WWOX: variants seen among roughly 807,000 people sequenced by gnomAD.
The protein encoded by WWOX is WW domain containing oxidoreductase, also known as WW domain-containing oxidoreductase.
Under a neutral mutation model 46.2 loss-of-function variants are expected in WWOX, and 69 were observed. The ratio of observed to expected loss-of-function variants is 1.49; its 90% CI spans 1.23 to 1.82. The LOEUF (loss-of-function observed/expected upper bound fraction) is 1.82. Among genes scored for constraint, WWOX ranks in the 40% most tolerant of loss-of-function variants. The pLI is 0.00. For missense variants in WWOX, 919 were observed against 542.6 expected (o/e 1.69, Z -6.89); for synonymous variants, 359 against 202.6 (o/e 1.77, Z -6.56).
chr16:79,138,578 T>G (rs1028790010), intron 8 of WWOX, among the ~76,000 whole-genome samples: 1 of 152,294 alleles, frequency 6.6e-6, no homozygotes, highest in Middle Eastern at 3.4e-3. Context: ...TTAGGCCCGT[T>G]ATTAGGGTGC....
chr16:78,955,679 C>G (rs1461550029), intron 8 of WWOX, among the ~76,000 whole-genome samples: 1 of 150,476 alleles, frequency 6.6e-6, no homozygotes, highest in Non-Finnish European at 1.5e-5. Flanking sequence ...GAGACAGGGT[C>G]TTGCTCTATT....
intron 6 of WWOX, among the ~76,000 whole-genome samples, chr16:78,402,486 G>A (rs2082436564): frequency 6.6e-6 from 1 of 152,132 alleles, no homozygotes. Context: ...GTGGGGGGTT[G>A]CAGTAAACAT....
At chr16:79,110,060 A>C (rs1286028615) in intron 8 of WWOX, among the ~76,000 whole-genome samples, 1 of 152,178 alleles carries the variant, frequency 6.6e-6, no homozygotes, top group Non-Finnish European at 1.5e-5. Flanking sequence ...GCAGGGTGTG[A>C]TCCTGTTATT....
intron 8 of WWOX, among the ~76,000 whole-genome samples, chr16:79,156,375 A>G (rs1018430095): frequency 3.3e-5 from 5 of 152,142 alleles, no homozygotes; most frequent in Non-Finnish European, 7.4e-5. Context: ...TGCTCAAGCT[A>G]TTCTCGAACT....
intron 8 of WWOX, among the ~76,000 whole-genome samples, chr16:78,759,912 C>G (rs1440975885): frequency 6.6e-6 from 1 of 152,184 alleles, no homozygotes; most frequent in African/African-American, 2.4e-5. Context: ...ACGGCCACAG[C>G]ACTCTAATCT....
chr16:79,044,197 T>TA, intron 8 of WWOX, among the ~76,000 whole-genome samples: 1 of 152,304 alleles, frequency 6.6e-6, no homozygotes, highest in East Asian at 1.9e-4. Context: ...GCCCACAGTG[T>TA]AGGCATTCAA....
intron 8 of WWOX, among the ~76,000 whole-genome samples, chr16:78,855,844 G>C (rs1037084680): frequency 6.6e-6 from 1 of 152,174 alleles, no homozygotes; most frequent in South Asian, 2.1e-4. Flanking sequence ...GTCAGATTCT[G>C]TGTGAAGCCC....
chr16:79,038,435 C>G (rs200999909), intron 8 of WWOX, among the ~76,000 whole-genome samples: 3 of 152,006 alleles, frequency 2.0e-5, no homozygotes, highest in East Asian at 1.9e-4. Context: ...TTAACATGCC[C>G]TAGACATGCA....
Position 78,368,927 on chromosome 16 carries a change from C to T in WWOX, c.517-17933C>T, listed in dbSNP as rs555544072. On this transcript the variant is annotated intron_variant, in intron 5 of 8. Coordinates refer to ENST00000566780, the MANE Select transcript of WWOX (RefSeq NM_016373.4). ...CTGCTCTGTGTCTGTGTGCGACTGT[C>T]AGTTGCTCTCTACTGCTCCTCATAG... Among the ~76,000 whole-genome samples, 59 of 152,296 alleles carry T rather than the reference C, an allele frequency of 3.9e-4. 1 individual carries two copies. The South Asian group carries it at 0.011, about 28-fold the overall frequency.
At chr16:78,707,077 A>T (rs1205051486) in intron 8 of WWOX, among the ~76,000 whole-genome samples, 2 of 152,188 alleles carry the variant, frequency 1.3e-5, no homozygotes, top group Non-Finnish European at 2.9e-5. Flanking sequence ...TTCAAGGACA[A>T]AGTGCTGGAA....
intron 8 of WWOX, among the ~76,000 whole-genome samples, chr16:78,750,737 A>G (rs2049457155): frequency 6.6e-6 from 1 of 152,162 alleles, no homozygotes; most frequent in African/African-American, 2.4e-5. Context: ...AAGTAAGAAC[A>G]TGCGGTATTT....
At chr16:78,938,017 C>G (rs546198169) in intron 8 of WWOX, among the ~76,000 whole-genome samples, 2 of 152,172 alleles carry the variant, frequency 1.3e-5, no homozygotes, top group Non-Finnish European at 2.9e-5. Flanking sequence ...TAAGGTATTG[C>G]TGTCCTCACC....
chr16:78,648,360 C>G (rs1343519462), intron 8 of WWOX, among the ~76,000 whole-genome samples: 1 of 152,124 alleles, frequency 6.6e-6, no homozygotes, highest in African/African-American at 2.4e-5. Context: ...CCAGCCGGCT[C>G]CCCTGCACTT....
chr16:79,008,970 C>T (rs763059828), intron 8 of WWOX, among the ~76,000 whole-genome samples: 3 of 152,248 alleles, frequency 2.0e-5, no homozygotes, highest in Admixed American at 6.5e-5. Context: ...TGAGTCAGCT[C>T]TGTGACGCCA....
chr16:79,050,495 C>G (rs1265250159), intron 8 of WWOX, among the ~76,000 whole-genome samples: 2 of 152,190 alleles, frequency 1.3e-5, no homozygotes, highest in East Asian at 1.9e-4. Context: ...CTGTCACACA[C>G]TGATGCCCCA....
At chr16:78,851,120 A>T (rs539747104) in intron 8 of WWOX, among the ~76,000 whole-genome samples, 3 of 152,272 alleles carry the variant, frequency 2.0e-5, no homozygotes, top group South Asian at 4.2e-4. Flanking sequence ...ATTTACCTTG[A>T]TGAGTTCATT....
intron 8 of WWOX, among the ~76,000 whole-genome samples, chr16:78,595,679 G>C (rs944616551): frequency 1.3e-5 from 2 of 152,178 alleles, no homozygotes; most frequent in African/African-American, 2.4e-5. Context: ...CCCTAGGATG[G>C]CTCCTCAGAT....
chr16:78,808,197 C>T (rs552759122), intron 8 of WWOX, among the ~76,000 whole-genome samples: 11 of 152,228 alleles, frequency 7.2e-5, no homozygotes, highest in Admixed American at 3.9e-4. Flanking sequence ...CTTTTAACCC[C>T]TCTGAATATG....
intron 8 of WWOX, among the ~76,000 whole-genome samples, chr16:78,775,939 A>G (rs951202990): frequency 3.3e-5 from 5 of 152,196 alleles, no homozygotes; most frequent in African/African-American, 1.2e-4. Flanking sequence ...AGTGGCCATC[A>G]CTACTCTAAA....
Sources: gnomAD v4.1 joint callset for allele counts (sites outside exome capture counted in the v4.1 genomes callset) on GRCh38, gnomAD v4.1.1 for gene constraint, MANE v1.5 for transcripts, NCBI Gene and HGNC (gene_info 2026-07-23, HGNC 2026-07-21) for gene names.